The following EPB41L2 variants were observed in gnomAD, a reference collection of about 807,000 sequenced individuals.
EPB41L2 encodes the protein band 4.1-like protein 2.
A neutral mutation model predicts 113.0 loss-of-function variants in EPB41L2; 43 were observed. That is an observed-to-expected ratio of 0.38 (90% CI 0.30 to 0.49). EPB41L2 has a LOEUF of 0.49. Among genes scored for constraint, EPB41L2 ranks in the 20% least tolerant of loss-of-function variants. EPB41L2 has a pLI of 0.95. For missense variants in EPB41L2, 1,147 were observed against 1,223.4 expected (o/e 0.94, Z 0.93); for synonymous variants, 442 against 436.7 (o/e 1.01, Z -0.15).
chr6:131,050,608 C>T (rs7765757), intron 1 of EPB41L2, among the ~76,000 whole-genome samples: 122,595 of 152,144 alleles, frequency 0.81, 49,864 homozygotes, highest in African/African-American at 0.9. Flanking sequence ...CTAAAACCCA[C>T]ACTCGAAAAT....
intron 15 of EPB41L2, 52 bp downstream of exon 15, chr6:130,869,511 C>T (rs1429503971): frequency 1.3e-6 from 2 of 1,514,334 alleles, no homozygotes; most frequent in African/African-American, 2.8e-5. Flanking sequence ...CAGGAGTTCC[C>T]CATCTGAGAA....
At chr6:130,888,815 T>C (rs537954005) in intron 11 of EPB41L2, among the ~76,000 whole-genome samples, 2 of 152,316 alleles carry the variant, frequency 1.3e-5, no homozygotes, top group African/African-American at 4.8e-5. Context: ...ATTTAAATCA[T>C]TTCCACAATT....
intron 1 of EPB41L2, among the ~76,000 whole-genome samples, chr6:130,970,765 G>C (rs140453008): frequency 6.6e-6 from 1 of 151,998 alleles, no homozygotes; most frequent in African/African-American, 2.4e-5. Flanking sequence ...CCTTATCCTC[G>C]GGGAAAGAAG....
chr6:130,862,952 G>A (rs1483897600), intron 18 of EPB41L2, among the ~76,000 whole-genome samples: 2 of 152,132 alleles, frequency 1.3e-5, no homozygotes, highest in African/African-American at 4.8e-5. Flanking sequence ...CTCCTTTAAA[G>A]CTGAGTTAAA....
intron 4 of EPB41L2, among the ~76,000 whole-genome samples, chr6:130,926,400 GCACA>G: frequency 6.6e-6 from 1 of 152,258 alleles, no homozygotes; most frequent in South Asian, 2.1e-4. Flanking sequence ...ACATATGCAT[GCACA>G]CACACAAATA....
At chr6:130,953,789 G>GACAC in intron 3 of EPB41L2, among the ~76,000 whole-genome samples, 1 of 152,000 alleles carries the variant, frequency 6.6e-6, no homozygotes, top group Non-Finnish European at 1.5e-5. Flanking sequence ...ATCAGGTGAG[G>GACAC]ACACAGCACT....
intron 5 of EPB41L2, 32 bp downstream of exon 5, chr6:130,908,789 T>C (rs1407082068): frequency 1.3e-6 from 2 of 1,531,152 alleles, no homozygotes; most frequent in Non-Finnish European, 1.8e-6. Context: ...CAAGACACCT[T>C]AACTTCAAAG....
intron 1 of EPB41L2, among the ~76,000 whole-genome samples, chr6:130,977,422 T>A (rs992899871): frequency 6.6e-6 from 1 of 152,088 alleles, no homozygotes; most frequent in Non-Finnish European, 1.5e-5. Flanking sequence ...ATAATCTCAA[T>A]GCCTTTTCCT....
rs1374187752 is a variant in EPB41L2, at chr6:130,956,397, A to G, written c.89T>C (p.Val30Ala). The G allele has an allele frequency of 6.2e-7, 1 of 1,613,956 alleles. No individual in the cohort carries two copies. Among genetic ancestry groups the G allele is most frequent in the Non-Finnish European group, 8.5e-7 (1 of 1,180,038 alleles). The stretch of plus-strand genomic sequence containing the variant: ...AGACTGATTCTGCTGATTTTCTGCT[A>G]CTTCTTTAGGTTTTTCCTTGGTTGC... ...TDATKEKPKE[V>A]AENQQNQSSD... The change falls in exon 2 of 20, where the codon GTA (valine) becomes GCA (alanine). Residue 30 changes from valine to alanine, a missense_variant. Physicochemically the swap from Val to Ala is moderately conservative, Grantham distance 64. Transcript: ENST00000337057.
intron 3 of EPB41L2, among the ~76,000 whole-genome samples, chr6:130,950,192 A>C (rs1347596978): frequency 6.6e-6 from 1 of 152,246 alleles, no homozygotes; most frequent in Non-Finnish European, 1.5e-5. Context: ...TTAAGTGTTA[A>C]GAAATTAGAA....
chr6:130,881,195 A>C (rs1483019997), intron 12 of EPB41L2: 1 of 152,212 alleles, frequency 6.6e-6, no homozygotes, highest in African/African-American at 2.4e-5. Context: ...TCCCTTATCA[A>C]AGGCAAATCA....
chr6:130,975,151 G>C (rs1414634154), intron 1 of EPB41L2, among the ~76,000 whole-genome samples: 1 of 152,038 alleles, frequency 6.6e-6, no homozygotes, highest in Non-Finnish European at 1.5e-5. Context: ...AAATATATAG[G>C]AAACATCTAC....
At chr6:130,886,129 C>T (rs1056189015) in intron 11 of EPB41L2, among the ~76,000 whole-genome samples, 5 of 152,208 alleles carry the variant, frequency 3.3e-5, no homozygotes, top group Admixed American at 6.5e-5. Context: ...TCTACGGACA[C>T]CATGAAGTTT....
intron 1 of EPB41L2, among the ~76,000 whole-genome samples, chr6:130,969,154 A>G (rs1041138087): frequency 1.3e-5 from 2 of 152,178 alleles, no homozygotes; most frequent in African/African-American, 4.8e-5. Flanking sequence ...CTCAACAGTT[A>G]TCATTTATTC....
intron 3 of EPB41L2, among the ~76,000 whole-genome samples, chr6:130,928,910 T>C (rs1805733087): frequency 6.6e-6 from 1 of 152,234 alleles, no homozygotes; most frequent in Non-Finnish European, 1.5e-5. Flanking sequence ...AGATGGAATA[T>C]GCCTCAACCA....
At chr6:131,020,952 G>A (rs1376037552) in intron 1 of EPB41L2, among the ~76,000 whole-genome samples, 1 of 151,990 alleles carries the variant, frequency 6.6e-6, no homozygotes, top group East Asian at 1.9e-4. Context: ...ACCCCACCAG[G>A]CTAATTTTTT....
At chr6:130,857,946 A>T (rs12664355) in intron 19 of EPB41L2, among the ~76,000 whole-genome samples, 185 bp downstream of exon 19, 7,135 of 152,264 alleles carry the variant, frequency 0.047, 233 homozygotes, top group East Asian at 0.12. Context: ...TTGACACCAC[A>T]TGACCATCAG....
intron 1 of EPB41L2, among the ~76,000 whole-genome samples, chr6:130,960,077 A>G (rs146702137): frequency 6.6e-5 from 10 of 152,338 alleles, no homozygotes; most frequent in Non-Finnish European, 1.5e-5. Flanking sequence ...AAAATATTCT[A>G]CAAAGTATGT....
intron 1 of EPB41L2, among the ~76,000 whole-genome samples, chr6:131,039,014 G>T (rs1354869923): frequency 2.0e-5 from 3 of 152,034 alleles, no homozygotes; most frequent in Non-Finnish European, 4.4e-5. Flanking sequence ...CTTCCCAGAG[G>T]CTTAGAAACA....
Sources: gnomAD v4.1 joint callset for allele counts (sites outside exome capture counted in the v4.1 genomes callset) on GRCh38, gnomAD v4.1.1 for gene constraint, MANE v1.5 for transcripts, NCBI Gene and HGNC (gene_info 2026-07-23, HGNC 2026-07-21) for gene names.